RANBP2: variants seen among roughly 807,000 people sequenced by gnomAD.
RANBP2 encodes the protein E3 SUMO-protein ligase RanBP2.
In RANBP2, 57 loss-of-function variants were observed where a neutral mutation model predicts 303.6. The observed-to-expected ratio is 0.19, with a 90% CI of 0.15 to 0.23. The LOEUF (loss-of-function observed/expected upper bound fraction) is 0.23. Among genes scored for constraint, RANBP2 ranks in the 10% least tolerant of loss-of-function variants. RANBP2 has a pLI of 1.00. For missense variants in RANBP2, 3,138 were observed against 3,780.8 expected, an observed-to-expected ratio of 0.83 and a Z score of 4.46; for synonymous variants, 1,167 against 1,301.5, an observed-to-expected ratio of 0.90 and a Z score of 2.23.
chr2:109,287,131 G>A, the RANBP2 span, among the ~76,000 whole-genome samples: 1 of 152,168 alleles, frequency 6.6e-6, no homozygotes, highest in Non-Finnish European at 1.5e-5. Context: ...TTGGCCTCAT[G>A]GGGGGTTGTC....
the RANBP2 span, among the ~76,000 whole-genome samples, chr2:109,078,299 T>C: frequency 8.6e-6 from 1 of 115,978 alleles, no homozygotes; most frequent in East Asian, 2.6e-4. Context: ...TATATATATA[T>C]AGCGTGTATA....
the RANBP2 span, among the ~76,000 whole-genome samples, chr2:109,046,197 G>C: frequency 6.6e-6 from 1 of 150,762 alleles, no homozygotes; most frequent in African/African-American, 2.4e-5. Context: ...CCAGCTACTC[G>C]GGAGGCTGAG....
At chr2:108,964,548 A>T in the RANBP2 span, among the ~76,000 whole-genome samples, 1 of 152,272 alleles carries the variant, frequency 6.6e-6, no homozygotes, top group Admixed American at 6.5e-5. Context: ...GCCCAACCAA[A>T]CCACAGTCAC....
At chr2:109,593,209 G>T in the RANBP2 span, 1 of 794,664 alleles carries the variant, frequency 1.3e-6, no homozygotes, top group Non-Finnish European at 1.9e-6. Context: ...TGAATAAGGT[G>T]TTATAATAAT....
At chr2:109,190,701 CA>C in the RANBP2 span, among the ~76,000 whole-genome samples, 1 of 152,144 alleles carries the variant, frequency 6.6e-6, no homozygotes, top group Admixed American at 6.5e-5. Context: ...TGATGGTCTT[CA>C]AAAAAATTTG....
At chr2:109,493,702 A>G in the RANBP2 span, among the ~76,000 whole-genome samples, 2 of 151,582 alleles carry the variant, frequency 1.3e-5, no homozygotes, top group Non-Finnish European at 2.9e-5. Context: ...ACCACACACC[A>G]TACATACACA....
chr2:109,071,960 T>C, the RANBP2 span, among the ~76,000 whole-genome samples: 1 of 152,156 alleles, frequency 6.6e-6, no homozygotes, highest in Non-Finnish European at 1.5e-5. Context: ...GACAACAGAA[T>C]ATATCACAAA....
At chr2:108,840,813 T>C in the RANBP2 span, among the ~76,000 whole-genome samples, 1 of 151,720 alleles carries the variant, frequency 6.6e-6, no homozygotes, top group East Asian at 1.9e-4. Flanking sequence ...TCTTTTTTTC[T>C]TTTTATTTTT....
the RANBP2 span, among the ~76,000 whole-genome samples, chr2:109,163,191 A>C: frequency 6.6e-6 from 1 of 152,162 alleles, no homozygotes; most frequent in Admixed American, 6.5e-5. Flanking sequence ...AGGCGGGAAT[A>C]GGAACTCGCG....
At chr2:109,032,087 T>C in the RANBP2 span, among the ~76,000 whole-genome samples, 3 of 152,150 alleles carry the variant, frequency 2.0e-5, no homozygotes, top group Non-Finnish European at 2.9e-5. Context: ...TTCGGAGCTT[T>C]GTTTTCAAGT....
At chr2:109,304,405 A>C in the RANBP2 span, among the ~76,000 whole-genome samples, 1 of 152,126 alleles carries the variant, frequency 6.6e-6, no homozygotes, top group Non-Finnish European at 1.5e-5. Flanking sequence ...CCATGTTGTC[A>C]CAAATGACAA....
At chr2:109,447,299 C>T in the RANBP2 span, among the ~76,000 whole-genome samples, 1 of 152,028 alleles carries the variant, frequency 6.6e-6, no homozygotes, top group Non-Finnish European at 1.5e-5. Context: ...ATCTCACCAG[C>T]GCTTCACACA....
the RANBP2 span, among the ~76,000 whole-genome samples, chr2:108,946,033 G>A: frequency 1.3e-5 from 2 of 152,172 alleles, no homozygotes; most frequent in African/African-American, 2.4e-5. Context: ...ACTAGTACTG[G>A]CAGCACTAGT....
the RANBP2 span, among the ~76,000 whole-genome samples, chr2:109,481,172 A>G: frequency 6.6e-6 from 1 of 152,188 alleles, no homozygotes; most frequent in African/African-American, 2.4e-5. Context: ...GAACATCTCA[A>G]TGGAGAGGTG....
the RANBP2 span, chr2:108,794,411 CTT>C: frequency 2.4e-6 from 2 of 843,886 alleles, no homozygotes; most frequent in Non-Finnish European, 3.4e-6. Flanking sequence ...CTATATTTTT[CTT>C]TGTCTCTCTT....
At chr2:108,864,962 AAAAT>A in the RANBP2 span, among the ~76,000 whole-genome samples, 16 of 152,112 alleles carry the variant, frequency 1.1e-4, no homozygotes, top group African/African-American at 3.1e-4. Context: ...CTGTTTTAAG[AAAAT>A]AAATAAATAG....
chr2:109,448,893 C>T, the RANBP2 span, among the ~76,000 whole-genome samples: 1 of 152,158 alleles, frequency 6.6e-6, no homozygotes, highest in Non-Finnish European at 1.5e-5. Flanking sequence ...TTCATGGCAA[C>T]CTTGGCAAAG....
chr2:109,141,869 G>A, the RANBP2 span, among the ~76,000 whole-genome samples: 1 of 152,096 alleles, frequency 6.6e-6, no homozygotes, highest in African/African-American at 2.4e-5. Flanking sequence ...CCCCCCAGAT[G>A]TGCCAGTCTG....
the RANBP2 span, among the ~76,000 whole-genome samples, chr2:109,591,628 G>A: frequency 6.6e-6 from 1 of 152,214 alleles, no homozygotes; most frequent in Non-Finnish European, 1.5e-5. Flanking sequence ...CAGGTGTGGT[G>A]GCTCACGTCT....
Sources: allele counts gnomAD v4.1 joint callset (sites outside exome capture counted in the v4.1 genomes callset), GRCh38; gene constraint gnomAD v4.1.1; transcripts MANE v1.5; gene names NCBI Gene and HGNC (gene_info 2026-07-23, HGNC 2026-07-21).